The following CUX2 variants were observed in gnomAD, a reference collection of about 807,000 sequenced individuals.
The protein encoded by CUX2 is cut like homeobox 2.
Under a neutral mutation model 144.8 loss-of-function variants are expected in CUX2, and 40 were observed. The observed-to-expected ratio is 0.28, with a 90% confidence interval of 0.21 to 0.36. The LOEUF (loss-of-function observed/expected upper bound fraction) is 0.36, where lower values mean the gene tolerates loss of function less well. Ranked by LOEUF, CUX2 falls within the 10% of genes least tolerant of loss-of-function variation. The probability of loss-of-function intolerance (pLI) is 1.00; values close to 1 mark genes in which losing one functional copy is unlikely to be tolerated. For synonymous variants in CUX2, 827 were observed against 875.6 expected (o/e 0.94, Z 0.98); for missense variants, 1,615 against 1,994.0 (o/e 0.81, Z 3.62).
intron 1 of CUX2, among the ~76,000 whole-genome samples, chr12:111,154,817 G>A (rs1207012717): frequency 6.6e-6 from 1 of 152,170 alleles, no homozygotes; most frequent in Non-Finnish European, 1.5e-5. Flanking sequence ...GAAAAAGCAG[G>A]GAAGCCAGAA....
Position 111,065,873 on chromosome 12 carries a change from T to G in CUX2, c.63+31633T>G, listed in dbSNP as rs80166225. Among the ~76,000 whole-genome samples the G allele has an allele frequency of 6.3e-3, 958 of 152,318 alleles. 9 individuals are homozygous for G. The highest frequency in any genetic ancestry group is 0.021 in the African/African-American group (871 of 41,560). ...TGGCAGTGGGACCCAGCAGTTTCTA[T>G]TTTAACAAATTGCCCAGGTGATTCT... On this transcript the variant is annotated intron_variant, in intron 1 of 21. Coordinates refer to ENST00000261726, the MANE Select transcript of CUX2 (RefSeq NM_015267.4).
chr12:111,057,326 ATTATGTGAGGGAAG>A lies in CUX2; in HGVS notation c.63+23090_63+23103del, dbSNP rs1035647780. ...GTGAGGGCAATGGGTGTGGCAGGAGATTATGTGAGGGAAGTTAGTGGGACAGAGACGGCTATGTG... is the reference window on the plus strand; with the variant it reads ...GTGAGGGCAATGGGTGTGGCAGGAGATTAGTGGGACAGAGACGGCTATGTG... On this transcript the variant is annotated intron_variant, in intron 1 of 21. Transcript: ENST00000261726. This position sits in a 1 kb window ranked among gnomAD's most constrained non-coding sequence, Gnocchi z 5.1. Among the ~76,000 whole-genome samples the A allele has an allele frequency of 1.3e-5, 2 of 151,298 alleles. No homozygotes were observed. The highest frequency in any genetic ancestry group is 6.6e-5 in the Admixed American group (1 of 15,194).
intron 3 of CUX2, among the ~76,000 whole-genome samples, chr12:111,259,011 G>A (rs1883971982): frequency 6.6e-6 from 1 of 150,612 alleles, no homozygotes; most frequent in Non-Finnish European, 1.5e-5. Flanking sequence ...GGGACCACAG[G>A]TGTAGACCAC....
At chr12:111,341,626 A>C (rs111900331) in intron 20 of CUX2, among the ~76,000 whole-genome samples, 154 bp from the exon 21 acceptor site, 232 of 148,134 alleles carry the variant, frequency 1.6e-3, no homozygotes, top group Non-Finnish European at 2.8e-3. Flanking sequence ...GAGAGTGAGG[A>C]GGGAGAAAGG....
At chr12:111,319,143 G>A (rs539660498) in intron 16 of CUX2, among the ~76,000 whole-genome samples, 3 of 151,830 alleles carry the variant, frequency 2.0e-5, no homozygotes, top group South Asian at 4.2e-4. Flanking sequence ...GCAAAACCCC[G>A]TCTCTACAAA....
At chr12:111,137,102 TA>T (rs952344433) in intron 1 of CUX2, among the ~76,000 whole-genome samples, 3 of 145,796 alleles carry the variant, frequency 2.1e-5, no homozygotes, top group African/African-American at 8.3e-5. Flanking sequence ...CACACCTGGC[TA>T]ATTTTTTTTT....
rs1211616730 is a variant in CUX2, at chr12:111,035,995, G to A, written c.63+1755G>A. 6.6e-6 allele frequency among the ~76,000 whole-genome samples: 1 copy of A among 152,172 alleles called. No individual in the cohort carries two copies. Among genetic ancestry groups the A allele is most frequent in the Non-Finnish European group, 1.5e-5 (1 of 68,026 alleles). On this transcript the variant is annotated intron_variant, in intron 1 of 21. Transcript: ENST00000261726. This position sits in a 1 kb window ranked among gnomAD's most constrained non-coding sequence, Gnocchi z 6.0. ...AGAGGGAGAATTGGGCAGCCACATTGGGCTTGGCACGAAGGCCAATGGTAA... is the reference window on the plus strand; with the variant it reads ...AGAGGGAGAATTGGGCAGCCACATTAGGCTTGGCACGAAGGCCAATGGTAA...
intron 2 of CUX2, 112 bp downstream of exon 2, chr12:111,214,422 A>G: frequency 1.6e-6 from 1 of 627,674 alleles, no homozygotes; most frequent in South Asian, 2.4e-5. Context: ...AAAGAAGCTA[A>G]TTAGCCACAA....
chr12:111,237,709 A>G (rs140838962), intron 3 of CUX2, among the ~76,000 whole-genome samples: 3,189 of 152,024 alleles, frequency 0.021, 51 homozygotes, highest in Non-Finnish European at 0.032. Context: ...CTCCAAGACC[A>G]TCTGCTCTCC....
intron 4 of CUX2, among the ~76,000 whole-genome samples, chr12:111,286,374 A>G (rs1885381856): frequency 6.6e-6 from 1 of 152,200 alleles, no homozygotes; most frequent in Admixed American, 6.5e-5. Flanking sequence ...AGTTGCAGTA[A>G]GAGCTGACAC....
intron 3 of CUX2, among the ~76,000 whole-genome samples, chr12:111,259,871 C>T (rs188288252): frequency 9.3e-5 from 14 of 151,036 alleles, no homozygotes; most frequent in African/African-American, 3.2e-4. Context: ...CTGATATGTT[C>T]ATAACACTAG....
At chr12:111,318,005 A>G (rs2136392511) in intron 16 of CUX2, among the ~76,000 whole-genome samples, 2 of 136,654 alleles carry the variant, frequency 1.5e-5, no homozygotes, top group East Asian at 4.4e-4. Flanking sequence ...GTCAAAAAGA[A>G]AAAAGAAAAA....
At chr12:111,302,159 A>G (rs1886323228) in intron 9 of CUX2, among the ~76,000 whole-genome samples, 1 of 152,234 alleles carries the variant, frequency 6.6e-6, no homozygotes. Flanking sequence ...CTCAATATGC[A>G]TACATTGGGC....
chr12:111,285,865 A>G (rs536410414), intron 4 of CUX2, among the ~76,000 whole-genome samples: 76 of 152,280 alleles, frequency 5.0e-4, no homozygotes, highest in African/African-American at 1.6e-3. Flanking sequence ...CAAGTTGGGG[A>G]ATCCGGGGCA....
intron 1 of CUX2, among the ~76,000 whole-genome samples, chr12:111,138,261 T>C (rs1037319452): frequency 4.6e-5 from 7 of 151,876 alleles, no homozygotes; most frequent in African/African-American, 1.7e-4. Flanking sequence ...AAATTCAAAT[T>C]AAGAGAGATT....
At position 111,293,545 on chromosome 12, in the gene CUX2, A is replaced by G. The variant is rs1364033818; in HGVS notation, c.536A>G (p.Gln179Arg). ...GKALLTETLL[Q>R]RNEAEKQKGL... ...GCCCTCCTGACAGAAACCTTGCTGC[A>G]GAGAAATGAGGCGGAAAAACAAAAG... The change falls in exon 6 of 22, where the codon CAG (glutamine) becomes CGG (arginine). Residue 179 changes from glutamine to arginine, a missense_variant. This residue lies in a region of CUX2 where 295 missense variants were observed against 400.2 expected (regional missense o/e 0.74). Transcript: ENST00000261726. The surrounding 1 kb of genome is among the most constrained non-coding windows in gnomAD (Gnocchi z 4.5). 1 of 1,590,958 alleles carries G rather than the reference A, an allele frequency of 6.3e-7. No individual in the cohort carries two copies. The highest frequency in any genetic ancestry group is 8.5e-7 in the Non-Finnish European group (1 of 1,170,620).
At chr12:111,123,286 G>T (rs1294347969) in intron 1 of CUX2, among the ~76,000 whole-genome samples, 1 of 152,194 alleles carries the variant, frequency 6.6e-6, no homozygotes, top group Non-Finnish European at 1.5e-5. Flanking sequence ...AGGCTCAAGT[G>T]ATTTTCGTGC....
At chr12:111,084,345 T>C (rs1419723212) in intron 1 of CUX2, among the ~76,000 whole-genome samples, 1 of 152,120 alleles carries the variant, frequency 6.6e-6, no homozygotes, top group Admixed American at 6.5e-5. Context: ...ACCCCAGATG[T>C]CCCCTGTCCC....
In CUX2 at chr12:111,325,128, C is replaced by CA. The variant is rs59188687; in HGVS notation, c.2926+2564dup. Among the ~76,000 whole-genome samples the CA allele has an allele frequency of 9.1e-3, 1,068 of 117,052 alleles. 5 individuals carry two copies. Among genetic ancestry groups the CA allele is most frequent in the Middle Eastern group, 0.014 (3 of 212 alleles). The allele number at this position is 117,052 out of a possible 152,430, so 76.8% of individuals were successfully genotyped here. A position where few individuals can be genotyped will look rare whatever the true frequency, so the allele number is the denominator to read the frequency against. On this transcript the variant is annotated intron_variant, in intron 18 of 21. Transcript: ENST00000261726. The stretch of plus-strand genomic sequence containing the variant: ...GTGAAACCCGTCTCTACTAAAATTA[C>CA]AAAAAAAAAAAAAAAATTATCCGGG...
Sources: allele counts gnomAD v4.1 joint callset (sites outside exome capture counted in the v4.1 genomes callset), GRCh38; gene constraint gnomAD v4.1.1; regional missense constraint gnomAD v4.1.1; non-coding constraint Gnocchi (gnomAD v3.1); transcripts MANE v1.5; gene names NCBI Gene and HGNC (gene_info 2026-07-23, HGNC 2026-07-21).